Variants in ELP4 observed in about 807,000 individuals in gnomAD.
ELP4 encodes elongator acetyltransferase complex subunit 4.
A neutral mutation model predicts 48.9 loss-of-function variants in ELP4; 51 were observed. The ratio of observed to expected loss-of-function variants is 1.04; its 90% CI spans 0.83 to 1.32. The LOEUF (loss-of-function observed/expected upper bound fraction) is 1.32. Ranked by LOEUF, ELP4 falls within the 40% of genes most tolerant of loss-of-function variation. ELP4 has a pLI of 0.00. For synonymous variants in ELP4, 210 were observed against 189.2 expected, an observed-to-expected ratio of 1.11 and a Z score of -0.90; for missense variants, 519 against 514.6, an observed-to-expected ratio of 1.01 and a Z score of -0.08.
rs143094073 is a variant in ELP4, at chr11:31,747,762, G to A, written c.1144-35631G>A. Among the ~76,000 whole-genome samples, 368 of 152,336 alleles carry A rather than the reference G, an allele frequency of 2.4e-3. 4 individuals carry two copies. The highest frequency in any genetic ancestry group is 8.4e-3 in the African/African-American group (351 of 41,586). ...CCAAATAAAATGTCACAAGGACAAA[G>A]CCTCTGAACTTGGCTGCTTCTCTTT... is the stretch of plus-strand genomic sequence containing the variant. On this transcript the variant is annotated intron_variant, in intron 9 of 9. Coordinates refer to ENST00000640961, the MANE Select transcript of ELP4 (RefSeq NM_019040.5).
rs868068960 is a variant in ELP4 at position 31,772,064 on chromosome 11, A to G, written c.1144-11329A>G. On this transcript the variant is annotated intron_variant, in intron 9 of 9. Transcript: ENST00000640961. ...TGAAGTCATACTCCCAGCCAGCATCATATCACCATGTTTTGTTTCCTTAAA... is the reference window on the plus strand; with the variant it reads ...TGAAGTCATACTCCCAGCCAGCATCGTATCACCATGTTTTGTTTCCTTAAA... 2.0e-5 allele frequency among the ~76,000 whole-genome samples: 3 copies of G among 151,604 alleles called. No homozygotes were observed. The South Asian group carries it at 6.2e-4, about 31-fold the overall frequency.
intron 7 of ELP4, chr11:31,633,947 C>T (rs561322293): frequency 4.6e-4 from 70 of 152,112 alleles, no homozygotes; most frequent in African/African-American, 1.7e-3. Context: ...TCTTCCCTGA[C>T]TTCAAACCTT....
At chr11:31,783,269 A>AT in intron 9 of ELP4, 124 bp from the exon 10 acceptor site, 1 of 787,494 alleles carries the variant, frequency 1.3e-6, no homozygotes, top group Non-Finnish European at 2.0e-6. Context: ...CAGGAATTTT[A>AT]TATGCAAGTC....
At chr11:31,557,012 A>C (rs779679112) in intron 3 of ELP4, among the ~76,000 whole-genome samples, 2 of 151,866 alleles carry the variant, frequency 1.3e-5, no homozygotes, top group African/African-American at 4.8e-5. Context: ...TTCATAATTG[A>C]AAATGAATAC....
chr11:31,687,784 T>G (rs1208182315), intron 9 of ELP4: 5 of 152,238 alleles, frequency 3.3e-5, no homozygotes, highest in Non-Finnish European at 7.3e-5. Context: ...TGATTGCATT[T>G]TCATGAGTTA....
intron 3 of ELP4, among the ~76,000 whole-genome samples, chr11:31,548,919 A>G (rs1460158024): frequency 3.3e-5 from 5 of 152,102 alleles, no homozygotes; most frequent in African/African-American, 4.8e-5. Context: ...GTGCTGGGAA[A>G]ACTGGCTAGC....
intron 9 of ELP4, among the ~76,000 whole-genome samples, chr11:31,728,722 T>C (rs1347869190): frequency 1.3e-5 from 2 of 152,198 alleles, no homozygotes; most frequent in African/African-American, 4.8e-5. Flanking sequence ...ATGATGTAGA[T>C]CATCATAAAC....
At chr11:31,671,595 G>T (rs757620671) in intron 9 of ELP4, among the ~76,000 whole-genome samples, 2 of 151,984 alleles carry the variant, frequency 1.3e-5, no homozygotes, top group Non-Finnish European at 2.9e-5. Flanking sequence ...CTTTTTTCCA[G>T]TTGGACTGAA....
chr11:31,623,391 A>ATATATAAATATATATAT (rs1944668599), intron 5 of ELP4, among the ~76,000 whole-genome samples: 1 of 61,674 alleles, frequency 1.6e-5, no homozygotes, highest in African/African-American at 6.5e-5. Context: ...ATATATATAT[A>ATATATAAATATATATAT]AAACTAGAAA....
Position 31,632,333 on chromosome 11 carries a change from CTA to C in ELP4, c.857_858del (p.Tyr286CysfsTer25), listed in dbSNP as rs1197484393. 1 of 1,613,466 alleles carries C rather than the reference CTA, an allele frequency of 6.2e-7. No individual in the cohort carries two copies. The highest frequency in any genetic ancestry group is 8.5e-7 in the Non-Finnish European group (1 of 1,179,734). ...ACAGTCACAGCCTTACCAAGTTCCTCTATGTTCTCCGTGGTCTTCTGAGAACC... is the reference window on the plus strand; with the variant it reads ...ACAGTCACAGCCTTACCAAGTTCCTCTGTTCTCCGTGGTCTTCTGAGAACC... ...GNSHSLTKFL[Y>X]VLRGLLRTSL... On this transcript the variant is annotated frameshift_variant, in exon 7 of 10. Coordinates refer to ENST00000640961, the MANE Select transcript of ELP4 (RefSeq NM_019040.5). LOFTEE classifies it high-confidence loss of function.
chr11:31,683,302 A>C (rs1946093393), intron 9 of ELP4, among the ~76,000 whole-genome samples: 1 of 152,198 alleles, frequency 6.6e-6, no homozygotes, highest in African/African-American at 2.4e-5. Flanking sequence ...TTAAAAATAC[A>C]AAGTTTGGAG....
rs1213760044 is a variant in ELP4, at chr11:31,510,016, A to G, written c.223+9A>G. ...CCTAGACCAGCTCTTAGGTCGGTTC[A>G]GAGCGGAGATCTGGGCTCAGCCGAG... On this transcript the variant is annotated intron_variant, in intron 1 of 9. Transcript: ENST00000640961. The G allele has an allele frequency of 1.2e-6, 2 of 1,605,906 alleles. No individual in the cohort carries two copies. The highest frequency in any genetic ancestry group is 1.3e-5 in the African/African-American group (1 of 74,750).
chr11:31,747,655 C>T (rs759091500), intron 9 of ELP4, among the ~76,000 whole-genome samples: 5 of 152,170 alleles, frequency 3.3e-5, no homozygotes, highest in African/African-American at 7.2e-5. Context: ...GAAAAGGCAA[C>T]GTGGCTACCA....
At chr11:31,668,511 A>G (rs1945727089) in intron 9 of ELP4, among the ~76,000 whole-genome samples, 1 of 150,796 alleles carries the variant, frequency 6.6e-6, no homozygotes, top group Non-Finnish European at 1.5e-5. Context: ...TTTCCCCAAG[A>G]GACAAGGGCT....
chr11:31,578,383 C>CT (rs1957324714), intron 3 of ELP4, among the ~76,000 whole-genome samples: 1 of 152,150 alleles, frequency 6.6e-6, no homozygotes, highest in Admixed American at 6.5e-5. Flanking sequence ...TTTATAGATT[C>CT]AGTGCCATCC....
Position 31,785,847 on chromosome 11 carries a change from T to G in ELP4, c.*2323T>G, listed in dbSNP as rs1200384375. 5.1e-5 allele frequency: 10 copies of G among 195,796 alleles called. No homozygotes were observed. The East Asian group carries it at 8.0e-4, about 16-fold the overall frequency. The allele number at this position is 195,796 out of a possible 1,614,324, so 12.1% of individuals were successfully genotyped here. ...GATACATTATGAAATATACACTCCA[T>G]TAACAGATTTTTTTTAATTATCAGC... On this transcript the variant is annotated 3_prime_UTR_variant, in exon 10 of 10. Coordinates refer to ENST00000640961, the MANE Select transcript of ELP4 (RefSeq NM_019040.5).
chr11:31,572,973 A>G (rs1443524769), intron 3 of ELP4, among the ~76,000 whole-genome samples: 1 of 152,102 alleles, frequency 6.6e-6, no homozygotes, highest in Non-Finnish European at 1.5e-5. Flanking sequence ...GCACCACTGT[A>G]CTCCAGCCTG....
chr11:31,724,378 T>C (rs1947030161), intron 9 of ELP4, among the ~76,000 whole-genome samples: 1 of 152,250 alleles, frequency 6.6e-6, no homozygotes, highest in Non-Finnish European at 1.5e-5. Context: ...ATCATAGTTG[T>C]AATTATGAAA....
intron 9 of ELP4, among the ~76,000 whole-genome samples, chr11:31,698,598 C>T (rs1350939118): frequency 6.6e-6 from 1 of 151,856 alleles, no homozygotes; most frequent in South Asian, 2.1e-4. Flanking sequence ...TTTTTAGTAG[C>T]GACAGGGTTT....
Sources: allele counts gnomAD v4.1 joint callset (sites outside exome capture counted in the v4.1 genomes callset), GRCh38; gene constraint gnomAD v4.1.1; transcripts MANE v1.5; gene names NCBI Gene and HGNC (gene_info 2026-07-23, HGNC 2026-07-21).